PEX3: variants seen among roughly 807,000 people sequenced by gnomAD.
PEX3 encodes peroxisomal biogenesis factor 3.
In PEX3, 30 loss-of-function variants were observed where a neutral mutation model predicts 55.8. The ratio of observed to expected loss-of-function variants is 0.54; its 90% CI spans 0.40 to 0.73. The LOEUF is 0.73. Ranked by LOEUF, PEX3 falls within the 30% of genes least tolerant of loss-of-function variation. PEX3 has a pLI of 0.00. For synonymous variants in PEX3, 135 were observed against 148.4 expected (o/e 0.91, Z 0.66); for missense variants, 351 against 432.8 (o/e 0.81, Z 1.68).
rs1779818556 is a variant in PEX3 at position 143,454,685 on chromosome 6, T to TGGGA, written c.73+3572_73+3575dup. ...AGTACAAAAATAGAGCAGGGTGTTG[T>TGGGA]GGGAGCATTGATGAGAAGAAAGTGT... On this transcript the variant is annotated intron_variant, in intron 1 of 11. Transcript: ENST00000367591. The surrounding 1 kb of genome is among the most constrained non-coding windows in gnomAD (Gnocchi z 4.3). 6.6e-6 allele frequency among the ~76,000 whole-genome samples: 1 copy of TGGGA among 152,214 alleles called. No homozygotes were observed. Among genetic ancestry groups the TGGGA allele is most frequent in the Non-Finnish European group, 1.5e-5 (1 of 68,044 alleles).
chr6:143,470,671 C>G (rs1484633059), intron 4 of PEX3, among the ~76,000 whole-genome samples: 1 of 152,190 alleles, frequency 6.6e-6, no homozygotes, highest in Non-Finnish European at 1.5e-5. Context: ...AGCTACAATT[C>G]TTTGTGCTTC....
chr6:143,483,782 T>G lies in PEX3; in HGVS notation c.942-1370T>G, dbSNP rs118191376. Among the ~76,000 whole-genome samples, 2,760 of 152,222 alleles carry G rather than the reference T, an allele frequency of 0.018. 106 individuals carry two copies. The highest frequency in any genetic ancestry group is 0.073 in the Admixed American group (1,111 of 15,258). On this transcript the variant is annotated intron_variant, in intron 10 of 11. Coordinates refer to ENST00000367591, the MANE Select transcript of PEX3 (RefSeq NM_003630.3). The surrounding 1 kb of genome is among the most constrained non-coding windows in gnomAD (Gnocchi z 4.3). The stretch of plus-strand genomic sequence containing the variant: ...ATTAATCAATTCAACAAGTATGTAT[T>G]GGATGTCCACTGTACACAAGACCTT...
At position 143,459,974 on chromosome 6, in the gene PEX3, A is replaced by G. The variant is rs980803717; in HGVS notation, c.205+758A>G. Among the ~76,000 whole-genome samples, 11 of 152,250 alleles carry G rather than the reference A, an allele frequency of 7.2e-5. No individual in the cohort carries two copies. The highest frequency in any genetic ancestry group is 2.2e-4 in the African/African-American group (9 of 41,470). On this transcript the variant is annotated intron_variant, in intron 2 of 11. Transcript: ENST00000367591. The surrounding 1 kb of genome is among the most constrained non-coding windows in gnomAD (Gnocchi z 4.2). ...ATGCCATCACAAAATCAACCTGCCC[A>G]TATTTGAAGAGAACAGTGTGTCCTA...
rs1780135805 is a variant in PEX3, at chr6:143,475,175, A to G, written c.818+319A>G. ...TCATGAAGCTCTGGAGAAGGTCATC[A>G]GTGATCTTTTGCCATATCCAATGAA... On this transcript the variant is annotated intron_variant, in intron 9 of 11. Coordinates refer to ENST00000367591, the MANE Select transcript of PEX3 (RefSeq NM_003630.3). The surrounding 1 kb of genome is among the most constrained non-coding windows in gnomAD (Gnocchi z 4.4). Among the ~76,000 whole-genome samples the G allele has an allele frequency of 6.6e-6, 1 of 152,186 alleles. No homozygotes were observed. Among genetic ancestry groups the G allele is most frequent in the Admixed American group, 6.5e-5 (1 of 15,282 alleles).
In PEX3 at chr6:143,486,313, C is replaced by G. The variant is rs3804543; in HGVS notation, c.1038+1065C>G. The stretch of plus-strand genomic sequence containing the variant: ...TAAACCTTACCTTTACCTTTGTCCT[C>G]TTCTGTAGAAGTCCCTGGCTTGGCC... On this transcript the variant is annotated intron_variant, in intron 11 of 11. Coordinates refer to ENST00000367591, the MANE Select transcript of PEX3 (RefSeq NM_003630.3). This position sits in a 1 kb window ranked among gnomAD's most constrained non-coding sequence, Gnocchi z 5.0. Among the ~76,000 whole-genome samples the G allele has an allele frequency of 0.17, 25,498 of 152,056 alleles. 2,497 individuals are homozygous for G. Among genetic ancestry groups the G allele is most frequent in the East Asian group, 0.33 (1,731 of 5,172 alleles).
intron 2 of PEX3, among the ~76,000 whole-genome samples, chr6:143,460,719 C>T (rs376039653): frequency 2.4e-3 from 361 of 152,118 alleles, no homozygotes; most frequent in Non-Finnish European, 4.3e-3. Context: ...ACAAAATTAG[C>T]CGGGCGTGGT....
chr6:143,485,008 A>G lies in PEX3; in HGVS notation c.942-144A>G. On this transcript the variant is annotated intron_variant, in intron 10 of 11. Transcript: ENST00000367591. The surrounding 1 kb of genome is among the most constrained non-coding windows in gnomAD (Gnocchi z 5.6). ...ATGTCAATTAGAGTTGTTATTTCTA[A>G]GCGATAGAATTGTGGGGTTTTTTTT... 1.6e-6 allele frequency: 1 copy of G among 643,832 alleles called. No homozygotes were observed. The highest frequency in any genetic ancestry group is 2.8e-6 in the Non-Finnish European group (1 of 361,410). 39.9% of individuals were successfully genotyped at this position (643,832 alleles called of 1,614,324 possible).
At chr6:143,480,468 A>G (rs1780220409) in intron 10 of PEX3, among the ~76,000 whole-genome samples, 1 of 152,192 alleles carries the variant, frequency 6.6e-6, no homozygotes, top group Non-Finnish European at 1.5e-5. Context: ...TTCATGTACA[A>G]CCTACATGTG....
chr6:143,483,272 T>C lies in PEX3; in HGVS notation c.942-1880T>C, dbSNP rs1243106780. Among the ~76,000 whole-genome samples, 3 of 152,116 alleles carry C rather than the reference T, an allele frequency of 2.0e-5. No individual in the cohort carries two copies. Among genetic ancestry groups the C allele is most frequent in the Non-Finnish European group, 4.4e-5 (3 of 68,022 alleles). On this transcript the variant is annotated intron_variant, in intron 10 of 11. Transcript: ENST00000367591. The surrounding 1 kb of genome is among the most constrained non-coding windows in gnomAD (Gnocchi z 4.3). ...TGTTCCCATAGATCTTACAATCTAA[T>C]TGGGGAAATAGTAAATATAATTGTA...
chr6:143,483,755 T>TTATTA lies in PEX3; in HGVS notation c.942-1396_942-1392dup, dbSNP rs1780275640. ...GACAGACAAATGGATGAATGAAGAC[T>TTATTA]TATTAATCAATTCAACAAGTATGTA... On this transcript the variant is annotated intron_variant, in intron 10 of 11. Coordinates refer to ENST00000367591, the MANE Select transcript of PEX3 (RefSeq NM_003630.3). The surrounding 1 kb of genome is among the most constrained non-coding windows in gnomAD (Gnocchi z 4.3). Among the ~76,000 whole-genome samples, 1 of 152,096 alleles carries TTATTA rather than the reference T, an allele frequency of 6.6e-6. No homozygotes were observed. Among genetic ancestry groups the TTATTA allele is most frequent in the African/African-American group, 2.4e-5 (1 of 41,420 alleles).
rs552597097 is a variant in PEX3, at chr6:143,458,596, G to A, written c.74-489G>A. Reference sequence around the variant, plus strand: ...AATGATCATTGTTTGTTATATTTTAGAAATTAAAACTCACCTATTTTTTGT... The same window carrying A: ...AATGATCATTGTTTGTTATATTTTAAAAATTAAAACTCACCTATTTTTTGT... On this transcript the variant is annotated intron_variant, in intron 1 of 11. Coordinates refer to ENST00000367591, the MANE Select transcript of PEX3 (RefSeq NM_003630.3). This position sits in a 1 kb window ranked among gnomAD's most constrained non-coding sequence, Gnocchi z 6.1. Among the ~76,000 whole-genome samples, 10 of 151,928 alleles carry A rather than the reference G, an allele frequency of 6.6e-5. No homozygotes were observed. Among genetic ancestry groups the A allele is most frequent in the Non-Finnish European group, 1.2e-4 (8 of 67,960 alleles).
chr6:143,484,834 TCAGA>T (rs768913504), intron 10 of PEX3: 12 of 323,900 alleles, frequency 3.7e-5, no homozygotes, highest in Non-Finnish European at 5.9e-5. Flanking sequence ...TAAAAAACAA[TCAGA>T]CAAACACTTT....
chr6:143,467,772 C>T (rs1186617600), intron 3 of PEX3, among the ~76,000 whole-genome samples: 1 of 151,986 alleles, frequency 6.6e-6, no homozygotes, highest in Admixed American at 6.6e-5. Flanking sequence ...ACAAAAAAAA[C>T]TTCATATTTA....
rs1039403617 is a variant in PEX3 at position 143,465,252 on chromosome 6, T to G, written c.287+2255T>G. Among the ~76,000 whole-genome samples the G allele has an allele frequency of 6.6e-6, 1 of 152,078 alleles. No homozygotes were observed. Among genetic ancestry groups the G allele is most frequent in the Admixed American group, 6.5e-5 (1 of 15,268 alleles). Reference sequence around the variant, plus strand: ...GGTACTTTTCTCTGTTCTACATAGATTTGGAATCTTTTATGTAGATTTTGG... The same window carrying G: ...GGTACTTTTCTCTGTTCTACATAGAGTTGGAATCTTTTATGTAGATTTTGG... On this transcript the variant is annotated intron_variant, in intron 3 of 11. Coordinates refer to ENST00000367591, the MANE Select transcript of PEX3 (RefSeq NM_003630.3). This position sits in a 1 kb window ranked among gnomAD's most constrained non-coding sequence, Gnocchi z 4.7.
chr6:143,461,304 G>A (rs1779915258), intron 2 of PEX3, among the ~76,000 whole-genome samples: 1 of 152,182 alleles, frequency 6.6e-6, no homozygotes, highest in Non-Finnish European at 1.5e-5. Flanking sequence ...CAGAGCAGTG[G>A]CAGATGGGGT....
At chr6:143,473,862 GT>G (rs1421825079) in intron 8 of PEX3, among the ~76,000 whole-genome samples, 1 of 150,448 alleles carries the variant, frequency 6.6e-6, no homozygotes, top group Admixed American at 6.6e-5. Flanking sequence ...ACACCAATCT[GT>G]CTCTTAAAAA....
At position 143,488,881 on chromosome 6, in the gene PEX3, A is replaced by T. The variant is rs1175861765; in HGVS notation, c.1039-262A>T. Among the ~76,000 whole-genome samples, 2 of 152,246 alleles carry T rather than the reference A, an allele frequency of 1.3e-5. No individual in the cohort carries two copies. The highest frequency in any genetic ancestry group is 3.9e-4 in the East Asian group (2 of 5,184). The stretch of plus-strand genomic sequence containing the variant: ...CTATCTAGCACTTGACATACACCAA[A>T]ATTCATTTGAAGACTATTTGGGGTT... On this transcript the variant is annotated intron_variant, in intron 11 of 11. Transcript: ENST00000367591. This position sits in a 1 kb window ranked among gnomAD's most constrained non-coding sequence, Gnocchi z 4.9.
intron 2 of PEX3, among the ~76,000 whole-genome samples, chr6:143,461,728 C>G (rs1315648883): frequency 6.6e-6 from 1 of 152,138 alleles, no homozygotes; most frequent in Non-Finnish European, 1.5e-5. Flanking sequence ...GGGAGGATTG[C>G]TAGAGCCCAG....
At chr6:143,467,859 C>A (rs1780012667) in intron 3 of PEX3, among the ~76,000 whole-genome samples, 1 of 152,092 alleles carries the variant, frequency 6.6e-6, no homozygotes, top group African/African-American at 2.4e-5. Context: ...ATTTCCTCTG[C>A]ATTTCCTATA....
Sources: allele counts gnomAD v4.1 joint callset (sites outside exome capture counted in the v4.1 genomes callset), GRCh38; gene constraint gnomAD v4.1.1; non-coding constraint Gnocchi (gnomAD v3.1); transcripts MANE v1.5; gene names NCBI Gene and HGNC (gene_info 2026-07-23, HGNC 2026-07-21).